The following MTMR14 variants were observed in gnomAD, a reference collection of about 807,000 sequenced individuals.
MTMR14 encodes the protein phosphatidylinositol-3,5-bisphosphate 3-phosphatase MTMR14.
MTMR14 carries 48 observed loss-of-function variants against 86.3 expected under a neutral mutation model. That is an observed-to-expected ratio of 0.56 (90% CI 0.44 to 0.71). The LOEUF (loss-of-function observed/expected upper bound fraction) is 0.71, where lower values mean the gene tolerates loss of function less well. Among genes scored for constraint, MTMR14 ranks in the 30% least tolerant of loss-of-function variants. The pLI is 0.00. For missense variants in MTMR14, 780 were observed against 834.6 expected (o/e 0.93, Z 0.81); for synonymous variants, 366 against 326.1 (o/e 1.12, Z -1.32).
At chr3:9,662,246 C>A (rs766906965) in intron 2 of MTMR14, 21 bp from the exon 3 acceptor site, 1 of 1,606,840 alleles carries the variant, frequency 6.2e-7, no homozygotes. Flanking sequence ...GCTTGACCTG[C>A]TTCTCTTGCC....
intron 17 of MTMR14, among the ~76,000 whole-genome samples, chr3:9,696,992 G>C (rs1422149624): frequency 6.6e-6 from 1 of 152,114 alleles, no homozygotes; most frequent in Non-Finnish European, 1.5e-5. Flanking sequence ...GGAAGCGGTA[G>C]ATTCCCAGCA....
intron 6 of MTMR14, among the ~76,000 whole-genome samples, chr3:9,671,955 T>A (rs1263491680): frequency 1.3e-5 from 2 of 152,232 alleles, no homozygotes; most frequent in Non-Finnish European, 2.9e-5. Context: ...TCCCATCCTT[T>A]ATCTGTCAGA....
At chr3:9,662,567 TCA>T (rs905357334) in intron 3 of MTMR14, among the ~76,000 whole-genome samples, 192 bp downstream of exon 3, 1 of 152,110 alleles carries the variant, frequency 6.6e-6, no homozygotes, top group Non-Finnish European at 1.5e-5. Flanking sequence ...GAAGGGATGG[TCA>T]CACCAGCATA....
At chr3:9,657,483 G>A (rs2047674235) in intron 2 of MTMR14, among the ~76,000 whole-genome samples, 1 of 152,064 alleles carries the variant, frequency 6.6e-6, no homozygotes, top group African/African-American at 2.4e-5. Context: ...TTTGGCAGGT[G>A]TTGAGGTTTT....
intron 3 of MTMR14, among the ~76,000 whole-genome samples, chr3:9,664,544 A>G (rs560845011): frequency 9.9e-5 from 15 of 152,164 alleles, no homozygotes; most frequent in Non-Finnish European, 1.8e-4. Context: ...TGGTACATGT[A>G]TGCAATGGAG....
rs749303301 is a variant in MTMR14, at chr3:9,671,114, A to T, written c.621A>T (p.Ser207=). ...GYDIKLLRYL[S]VKYICDLMVE... ...ACATCAAGCTGCTTCGATACCTGTC[A>T]GTCAAATACATCTGTGACCTGATGG... Residue 207 remains serine (S), a synonymous_variant, in exon 6 of 19, where the codon TCA becomes TCT. Transcript: ENST00000296003. 1 of 1,614,236 alleles carries T rather than the reference A, an allele frequency of 6.2e-7. No homozygotes were observed. The highest frequency in any genetic ancestry group is 1.1e-5 in the South Asian group (1 of 91,078).
In MTMR14 at chr3:9,654,372, G is replaced by A. The variant is rs1018873807; in HGVS notation, c.308+603G>A. 2.6e-5 allele frequency among the ~76,000 whole-genome samples: 4 copies of A among 152,184 alleles called. 1 individual carries two copies. In the South Asian group the frequency reaches 6.2e-4, roughly 24 times the overall value. ...GGGCTGATAAAAGCCTGACATGTAC[G>A]TTGTAAGAATTAGAAATAAAAGCTA... On this transcript the variant is annotated intron_variant, in intron 2 of 18. Transcript: ENST00000296003.
chr3:9,690,289 T>C, intron 17 of MTMR14, 146 bp downstream of exon 17: 1 of 918,616 alleles, frequency 1.1e-6, no homozygotes, highest in Non-Finnish European at 1.7e-6. Context: ...TGGGTTAGTG[T>C]TTGGTAATAA....
chr3:9,665,383 T>C (rs189380031), intron 3 of MTMR14, among the ~76,000 whole-genome samples: 2 of 150,586 alleles, frequency 1.3e-5, no homozygotes, highest in Admixed American at 1.3e-4. Context: ...GAAAATCAAA[T>C]ACCGCATGTT....
At chr3:9,697,285 T>C (rs2076309164) in intron 17 of MTMR14, among the ~76,000 whole-genome samples, 1 of 152,142 alleles carries the variant, frequency 6.6e-6, no homozygotes, top group African/African-American at 2.4e-5. Flanking sequence ...TTGCCCACCC[T>C]GCAAATCTGC....
chr3:9,665,902 G>A (rs966517272), intron 3 of MTMR14, among the ~76,000 whole-genome samples: 1 of 151,574 alleles, frequency 6.6e-6, no homozygotes, highest in Non-Finnish European at 1.5e-5. Flanking sequence ...CTAATTGTTT[G>A]TATTTTTTAG....
rs1362214641 is a variant in MTMR14, at chr3:9,702,288, C to A, written c.*315C>A. 1 of 450,296 alleles carries A rather than the reference C, an allele frequency of 2.2e-6. No homozygotes were observed. The highest frequency in any genetic ancestry group is 3.4e-5 in the Admixed American group (1 of 29,398). 27.9% of individuals were successfully genotyped at this position (450,296 alleles called of 1,614,324 possible). On this transcript the variant is annotated 3_prime_UTR_variant, in exon 19 of 19. Coordinates refer to ENST00000296003, the MANE Select transcript of MTMR14 (RefSeq NM_001077525.3). Reference sequence around the variant, plus strand: ...TGTGGAAGCCATGACTTCACAAAGACCCTACCTGTCAGTTCTTGTTTCTGG... The same window carrying A: ...TGTGGAAGCCATGACTTCACAAAGAACCTACCTGTCAGTTCTTGTTTCTGG...
chr3:9,650,372 A>G (rs1349569210), intron 1 of MTMR14: 1 of 456,612 alleles, frequency 2.2e-6, no homozygotes, highest in Non-Finnish European at 4.4e-6. Flanking sequence ...AGCTCAGGCC[A>G]TCCCCACCCT....
Position 9,690,054 on chromosome 3 carries a change from G to A in MTMR14, c.1524G>A (p.Ala508=), listed in dbSNP as rs191862472. Residue 508 remains alanine (A), a synonymous_variant, in exon 17 of 19, where the codon GCG becomes GCA. Coordinates refer to ENST00000296003, the MANE Select transcript of MTMR14 (RefSeq NM_001077525.3). The stretch of plus-strand genomic sequence containing the variant: ...GCTTGCCTTCCCAGCAGGGGCTGGC[G>A]GAAGCCAGGTCTTCCAGCTCCTCTT... ...EDRLPSQQGL[A]EARSSSSSSS... is the part of the protein sequence containing the mutation. 1.6e-4 allele frequency: 260 copies of A among 1,613,124 alleles called. 1 individual carries two copies. The East Asian group carries it at 3.8e-3, about 24-fold the overall frequency.
rs1038090252 is a variant in MTMR14, at chr3:9,677,870, A to G, written c.823-114A>G. On this transcript the variant is annotated intron_variant, in intron 8 of 18. Coordinates refer to ENST00000296003, the MANE Select transcript of MTMR14 (RefSeq NM_001077525.3). This position sits in a 1 kb window ranked among gnomAD's most constrained non-coding sequence, Gnocchi z 4.2. The stretch of plus-strand genomic sequence containing the variant: ...CCCAGGTAGCACAGGTATCTGGCCC[A>G]GAGAAGGCAAGCACTGCCTGTGGTA... The G allele has an allele frequency of 2.3e-6, 2 of 880,850 alleles. No individual in the cohort carries two copies. The highest frequency in any genetic ancestry group is 3.3e-5 in the African/African-American group (2 of 59,744). The allele number at this position is 880,850 out of a possible 1,614,324, so 54.6% of individuals were successfully genotyped here.
chr3:9,701,698 A>G lies in MTMR14; in HGVS notation c.1770-92A>G, dbSNP rs2076463005. The G allele has an allele frequency of 1.4e-5, 20 of 1,396,666 alleles. No individual in the cohort carries two copies. In the South Asian group the frequency reaches 2.4e-4, roughly 17 times the overall value. 86.5% of individuals were successfully genotyped at this position (1,396,666 alleles called of 1,614,324 possible). ...CTGGCCTTGTACAGTCAGAAGAAGC[A>G]CAAGGACAGGTGGTATGGAGGGAGG... On this transcript the variant is annotated intron_variant, in intron 18 of 18. Coordinates refer to ENST00000296003, the MANE Select transcript of MTMR14 (RefSeq NM_001077525.3). The surrounding 1 kb of genome is among the most constrained non-coding windows in gnomAD (Gnocchi z 4.2).
In MTMR14 at chr3:9,673,637, C is replaced by A. The variant is rs147785061; in HGVS notation, c.751+879C>A. Among the ~76,000 whole-genome samples, 7 of 152,270 alleles carry A rather than the reference C, an allele frequency of 4.6e-5. No individual in the cohort carries two copies. The East Asian group carries it at 1.3e-3, about 29-fold the overall frequency. ...GGGGCCACATAGCCATGAGCAAGGG[C>A]AGGCAGGTTCATCTAGTGCCTTGTG... On this transcript the variant is annotated intron_variant, in intron 7 of 18. Coordinates refer to ENST00000296003, the MANE Select transcript of MTMR14 (RefSeq NM_001077525.3).
chr3:9,683,592 C>A, intron 10 of MTMR14: 1 of 310,170 alleles, frequency 3.2e-6, no homozygotes, highest in Non-Finnish European at 6.3e-6. Flanking sequence ...TCAATCCGGG[C>A]TGCTCAGTGG....
intron 13 of MTMR14, among the ~76,000 whole-genome samples, chr3:9,686,707 G>A (rs1316493233): frequency 1.3e-5 from 2 of 152,350 alleles, no homozygotes; most frequent in African/African-American, 4.8e-5. Context: ...CCCTCTCCTT[G>A]TGGGGGGCAG....
Sources: allele counts gnomAD v4.1 joint callset (sites outside exome capture counted in the v4.1 genomes callset), GRCh38; gene constraint gnomAD v4.1.1; non-coding constraint Gnocchi (gnomAD v3.1); transcripts MANE v1.5; gene names NCBI Gene and HGNC (gene_info 2026-07-23, HGNC 2026-07-21).